PTPRD: variants seen among roughly 807,000 people sequenced by gnomAD.
PTPRD encodes protein tyrosine phosphatase receptor type D, also known as receptor-type tyrosine-protein phosphatase delta.
PTPRD carries 34 observed loss-of-function variants against 214.5 expected under a neutral mutation model. The ratio of observed to expected loss-of-function variants is 0.16; its 90% CI spans 0.12 to 0.21. The LOEUF (loss-of-function observed/expected upper bound fraction) is 0.21, where lower values mean the gene tolerates loss of function less well. Ranked by LOEUF, PTPRD falls within the 10% of genes least tolerant of loss-of-function variation. The pLI is 1.00. For synonymous variants in PTPRD, 1,128 were observed against 845.7 expected (o/e 1.33, Z -5.79); for missense variants, 2,545 against 2,398.7 (o/e 1.06, Z -1.27).
intron 2 of PTPRD, among the ~76,000 whole-genome samples, chr9:10,577,229 C>A (rs1156940333): frequency 3.9e-5 from 6 of 152,086 alleles, no homozygotes; most frequent in Admixed American, 6.6e-5. Context: ...GCCAAATGAA[C>A]ATTCAAAATG....
chr9:9,091,107 G>T (rs1369924185), intron 10 of PTPRD: 2 of 1,411,714 alleles, frequency 1.4e-6, no homozygotes, highest in Non-Finnish European at 9.9e-7. Context: ...TGTATGTGAA[G>T]CTACATTACT....
At chr9:9,581,789 A>C (rs1477447628) in intron 7 of PTPRD, among the ~76,000 whole-genome samples, 1 of 152,174 alleles carries the variant, frequency 6.6e-6, no homozygotes, top group Admixed American at 6.6e-5. Context: ...AAACTATCCT[A>C]TGAATAATGT....
At chr9:8,544,555 C>T (rs911187344) in intron 14 of PTPRD, among the ~76,000 whole-genome samples, 3 of 150,206 alleles carry the variant, frequency 2.0e-5, no homozygotes, top group Non-Finnish European at 4.4e-5. Flanking sequence ...CTGCAACCTC[C>T]ACCTCCTGGG....
At chr9:9,434,824 C>T (rs2084582327) in intron 8 of PTPRD, among the ~76,000 whole-genome samples, 1 of 148,878 alleles carries the variant, frequency 6.7e-6, no homozygotes, top group Non-Finnish European at 1.5e-5. Context: ...TTACTCAAAG[C>T]CAGATTATAT....
intron 3 of PTPRD, among the ~76,000 whole-genome samples, chr9:10,194,361 G>T (rs1435937245): frequency 0.095 from 1,173 of 12,366 alleles, 4 homozygotes; most frequent in Non-Finnish European, 0.13. Flanking sequence ...GAGAGAGAGA[G>T]AGAGAGAGAG....
rs545622362 is a variant in PTPRD at position 8,543,346 on chromosome 9, C to A, written c.353-14567G>T. Among the ~76,000 whole-genome samples the A allele has an allele frequency of 2.4e-4, 37 of 152,308 alleles. 1 individual carries two copies. Among genetic ancestry groups the A allele is most frequent in the Middle Eastern group, 3.4e-3 (1 of 294 alleles). Reference sequence around the variant, plus strand: ...AGCCTTGAATTCACTGGCATAGCAACATGACATAATCCACCAATCCCCCAA... The same window carrying A: ...AGCCTTGAATTCACTGGCATAGCAAAATGACATAATCCACCAATCCCCCAA... On this transcript the variant is annotated intron_variant, in intron 14 of 45. Transcript: ENST00000381196.
intron 10 of PTPRD, among the ~76,000 whole-genome samples, chr9:9,126,601 C>A (rs570992662): frequency 6.6e-6 from 1 of 152,102 alleles, no homozygotes; most frequent in Non-Finnish European, 1.5e-5. Context: ...GTTATATATA[C>A]ATTTAAGAAA....
chr9:8,647,163 G>A (rs558582022), intron 12 of PTPRD, among the ~76,000 whole-genome samples: 138 of 152,288 alleles, frequency 9.1e-4, no homozygotes, highest in African/African-American at 2.5e-3. Context: ...ATAATATAAC[G>A]TGATGAGTCT....
At chr9:8,417,925 G>A (rs1260151354) in intron 35 of PTPRD, among the ~76,000 whole-genome samples, 3 of 152,116 alleles carry the variant, frequency 2.0e-5, no homozygotes, top group Admixed American at 1.3e-4. Flanking sequence ...AGTATTAAAT[G>A]TTTTGGGGTG....
intron 12 of PTPRD, among the ~76,000 whole-genome samples, chr9:8,691,440 G>C (rs1465249730): frequency 2.0e-5 from 3 of 150,808 alleles, no homozygotes; most frequent in Non-Finnish European, 4.4e-5. Flanking sequence ...AAATAGTAAT[G>C]TCTGTTTTGA....
intron 5 of PTPRD, among the ~76,000 whole-genome samples, chr9:9,779,979 C>G (rs2147066): frequency 0.42 from 63,752 of 151,984 alleles, 13,611 homozygotes; most frequent in African/African-American, 0.51. Context: ...TTGTGTCATT[C>G]ATCATAGCGA....
intron 11 of PTPRD, among the ~76,000 whole-genome samples, chr9:8,750,350 G>T (rs1464220369): frequency 1.3e-5 from 2 of 151,790 alleles, no homozygotes; most frequent in Non-Finnish European, 2.9e-5. Flanking sequence ...TAGCGACAGG[G>T]TTTTACCAAG....
intron 3 of PTPRD, among the ~76,000 whole-genome samples, chr9:10,250,460 A>C (rs2092669637): frequency 6.6e-6 from 1 of 152,132 alleles, no homozygotes; most frequent in African/African-American, 2.4e-5. Flanking sequence ...AGCTTAGATT[A>C]ACATCAGATC....
intron 14 of PTPRD, among the ~76,000 whole-genome samples, chr9:8,617,890 C>T (rs960992019): frequency 1.3e-5 from 2 of 152,058 alleles, no homozygotes; most frequent in Non-Finnish European, 2.9e-5. Flanking sequence ...TAGGAAACAA[C>T]TAACTAGAGA....
intron 3 of PTPRD, among the ~76,000 whole-genome samples, chr9:10,156,181 G>C (rs1471897534): frequency 6.7e-6 from 1 of 149,672 alleles, no homozygotes; most frequent in Non-Finnish European, 1.5e-5. Flanking sequence ...TGCCAGCTTT[G>C]GCATTGGTTT....
At position 8,528,855 on chromosome 9, in the gene PTPRD, T is replaced by C. The variant is rs2074931154; in HGVS notation, c.353-76A>G. On this transcript the variant is annotated intron_variant, in intron 14 of 45. Transcript: ENST00000381196. The stretch of plus-strand genomic sequence containing the variant: ...AAATTCAAGAGATTCCCCAGAAATC[T>C]CTCTTTACCTTACTCAGTGCTTGTT... 7 of 1,425,710 alleles carry C rather than the reference T, an allele frequency of 4.9e-6. No individual in the cohort carries two copies. The South Asian group carries it at 7.3e-5, about 15-fold the overall frequency. 88.3% of individuals were successfully genotyped at this position (1,425,710 alleles called of 1,614,324 possible). A position where few individuals can be genotyped will look rare whatever the true frequency, so the allele number is the denominator to read the frequency against.
chr9:10,555,477 G>C (rs189765882), intron 2 of PTPRD, among the ~76,000 whole-genome samples: 64 of 152,234 alleles, frequency 4.2e-4, no homozygotes, highest in African/African-American at 1.4e-3. Flanking sequence ...GCAGTTCTGG[G>C]CTGAAATCCA....
At chr9:10,091,266 T>C (rs1430530233) in intron 3 of PTPRD, among the ~76,000 whole-genome samples, 1 of 151,550 alleles carries the variant, frequency 6.6e-6, no homozygotes, top group Non-Finnish European at 1.5e-5. Context: ...CATTTATGTC[T>C]CTCTGGCAAG....
intron 8 of PTPRD, among the ~76,000 whole-genome samples, chr9:9,449,590 T>G (rs1043752011): frequency 1.3e-5 from 2 of 151,964 alleles, no homozygotes; most frequent in African/African-American, 4.8e-5. Flanking sequence ...AGACCCTTTG[T>G]CTAGAACCTC....
Sources: gnomAD v4.1 joint callset for allele counts (sites outside exome capture counted in the v4.1 genomes callset) on GRCh38, gnomAD v4.1.1 for gene constraint, MANE v1.5 for transcripts, NCBI Gene and HGNC (gene_info 2026-07-23, HGNC 2026-07-21) for gene names.